ELMOD1: variants seen among roughly 807,000 people sequenced by gnomAD.
The protein encoded by ELMOD1 is ELMO domain-containing protein 1.
Under a neutral mutation model 46.7 loss-of-function variants are expected in ELMOD1, and 21 were observed. The observed-to-expected ratio is 0.45, with a 90% CI of 0.32 to 0.65. The LOEUF (loss-of-function observed/expected upper bound fraction) is 0.65, where lower values mean the gene tolerates loss of function less well. Among genes scored for constraint, ELMOD1 ranks in the 30% least tolerant of loss-of-function variants. The pLI, the probability that ELMOD1 is intolerant of heterozygous loss-of-function variation, is 0.04. For synonymous variants in ELMOD1, 122 were observed against 138.2 expected, an observed-to-expected ratio of 0.88 and a Z score of 0.82; for missense variants, 348 against 407.8, an observed-to-expected ratio of 0.85 and a Z score of 1.26.
Position 107,656,034 on chromosome 11 carries a change from C to G in ELMOD1, c.800C>G (p.Ala267Gly), listed in dbSNP as rs1866625315. Residue 267 changes from alanine (A) to glycine (G), a missense_variant, in exon 11 of 12, where the codon GCT becomes GGT. By Grantham distance (60) the Ala-to-Gly change is moderately conservative. Transcript: ENST00000265840. ...CATTTCTACAATATCGCCCCAGAAG[C>G]TCCAACATTGTCTCACTTTCAGCAA... ...KTHFYNIAPEAPTLSHFQQTF... is the reference protein window; with the variant it reads ...KTHFYNIAPEGPTLSHFQQTF... 1 of 1,558,850 alleles carries G rather than the reference C, an allele frequency of 6.4e-7. No individual in the cohort carries two copies. The highest frequency in any genetic ancestry group is 8.7e-7 in the Non-Finnish European group (1 of 1,149,752).
chr11:107,634,814 A>G (rs1416353067), intron 5 of ELMOD1, among the ~76,000 whole-genome samples: 3 of 152,222 alleles, frequency 2.0e-5, no homozygotes, highest in African/African-American at 7.2e-5. Context: ...AAGAAATAAG[A>G]TTTCTCTTTT....
intron 9 of ELMOD1, among the ~76,000 whole-genome samples, chr11:107,652,829 T>C (rs1025438598): frequency 6.6e-6 from 1 of 152,216 alleles, no homozygotes; most frequent in African/African-American, 2.4e-5. Context: ...ATATCAATTC[T>C]GTGTAATGTT....
chr11:107,592,148 G>A (rs1348100478), intron 1 of ELMOD1: 1 of 377,598 alleles, frequency 2.6e-6, no homozygotes, highest in Non-Finnish European at 5.5e-6. Context: ...CTGACTCAGT[G>A]TTTATGCTCA....
At chr11:107,613,554 A>G (rs1865814643) in intron 1 of ELMOD1, among the ~76,000 whole-genome samples, 1 of 152,216 alleles carries the variant, frequency 6.6e-6, no homozygotes, top group South Asian at 2.1e-4. Flanking sequence ...TAAACATTCA[A>G]GAAGTTTTTA....
chr11:107,613,446 T>G (rs1213156211), intron 1 of ELMOD1, among the ~76,000 whole-genome samples: 1 of 152,152 alleles, frequency 6.6e-6, no homozygotes, highest in African/African-American at 2.4e-5. Context: ...TCAACCACCA[T>G]GCACACTCCC....
At chr11:107,647,348 A>G in intron 6 of ELMOD1, 120 bp from the exon 7 acceptor site, 1 of 709,746 alleles carries the variant, frequency 1.4e-6, no homozygotes, top group Non-Finnish European at 2.2e-6. Flanking sequence ...CACATCTTTA[A>G]TTGTAATGTA....
chr11:107,643,581 C>A, intron 6 of ELMOD1: 1 of 522,924 alleles, frequency 1.9e-6, no homozygotes, highest in South Asian at 1.4e-5. Context: ...CTCCATTGTT[C>A]AGTTGCTGTC....
intron 10 of ELMOD1, among the ~76,000 whole-genome samples, chr11:107,654,536 G>A (rs1438325260): frequency 6.6e-6 from 1 of 152,064 alleles, no homozygotes; most frequent in South Asian, 2.1e-4. Flanking sequence ...TTGGGAGGCC[G>A]AGGCGGGCGG....
chr11:107,630,055 C>G (rs1432991550), intron 2 of ELMOD1, among the ~76,000 whole-genome samples: 5 of 152,090 alleles, frequency 3.3e-5, no homozygotes, highest in Non-Finnish European at 7.4e-5. Flanking sequence ...TGTTCTTCCC[C>G]CACGTCAAAG....
chr11:107,606,135 A>G (rs1865681612), intron 1 of ELMOD1, among the ~76,000 whole-genome samples: 1 of 152,072 alleles, frequency 6.6e-6, no homozygotes, highest in African/African-American at 2.4e-5. Flanking sequence ...TTTGAAATCC[A>G]TGAGTCCCTC....
At chr11:107,620,414 A>G (rs1040968751) in intron 2 of ELMOD1, 2 of 152,240 alleles carry the variant, frequency 1.3e-5, no homozygotes, top group Admixed American at 6.5e-5. Context: ...AATAGAGAAA[A>G]TATTCAATGT....
chr11:107,628,585 C>T (rs527386503), intron 2 of ELMOD1, among the ~76,000 whole-genome samples: 88 of 150,826 alleles, frequency 5.8e-4, no homozygotes, highest in Non-Finnish European at 1.1e-3. Context: ...AGCTGTTAAA[C>T]TAAATCCTAA....
At chr11:107,608,833 G>A (rs534660146) in intron 1 of ELMOD1, among the ~76,000 whole-genome samples, 8 of 152,124 alleles carry the variant, frequency 5.3e-5, no homozygotes, top group South Asian at 2.1e-4. Context: ...ATTCAGATGC[G>A]TATGTACATC....
In ELMOD1 at chr11:107,617,663, C is replaced by A. The variant is rs1168670434; in HGVS notation, c.-85-442C>A. On this transcript the variant is annotated intron_variant, in intron 1 of 11. Transcript: ENST00000265840. ...TGAGCTTGAGCTCTTTAACAGTTGT[C>A]TTTTATCTTGAAGTTAGTTGGTTCC... Among the ~76,000 whole-genome samples the A allele has an allele frequency of 5.3e-5, 8 of 152,218 alleles. No individual in the cohort carries two copies. In the East Asian group the frequency reaches 1.5e-3, roughly 29 times the overall value.
intron 1 of ELMOD1, among the ~76,000 whole-genome samples, chr11:107,598,769 C>T (rs900844851): frequency 1.3e-5 from 2 of 152,206 alleles, no homozygotes; most frequent in Non-Finnish European, 2.9e-5. Flanking sequence ...GGTGTCTTTA[C>T]TGGGCCAGTT....
intron 9 of ELMOD1, chr11:107,653,633 T>G (rs2135712122): frequency 6.6e-6 from 1 of 150,676 alleles, no homozygotes; most frequent in East Asian, 2.0e-4. Flanking sequence ...CTCCTTTCCT[T>G]ACCTTCCTTA....
intron 6 of ELMOD1, among the ~76,000 whole-genome samples, chr11:107,638,136 T>C (rs530845547): frequency 6.6e-6 from 1 of 152,190 alleles, no homozygotes; most frequent in Non-Finnish European, 1.5e-5. Flanking sequence ...CTATTCCCTC[T>C]GTTACCCATT....
At chr11:107,610,998 C>CAAAAAAAAAAAAAAAAAAAAAAA (rs58417281) in intron 1 of ELMOD1, among the ~76,000 whole-genome samples, 1 of 95,798 alleles carries the variant, frequency 1.0e-5, no homozygotes. Flanking sequence ...TGTAAGAATC[C>CAAAAAAAAAAAAAAAAAAAAAAA]AAAAAAAAAA....
chr11:107,646,980 A>G (rs575000009), intron 6 of ELMOD1, among the ~76,000 whole-genome samples: 10 of 151,622 alleles, frequency 6.6e-5, no homozygotes, highest in South Asian at 2.1e-4. Context: ...CTATCTATCT[A>G]TCTATCTACC....
Sources: allele counts gnomAD v4.1 joint callset (sites outside exome capture counted in the v4.1 genomes callset), GRCh38; gene constraint gnomAD v4.1.1; transcripts MANE v1.5; gene names NCBI Gene and HGNC (gene_info 2026-07-23, HGNC 2026-07-21).